The following TMEM63B variants were observed in gnomAD, a reference collection of about 807,000 sequenced individuals.
The protein encoded by TMEM63B is transmembrane protein 63B, also known as mechanosensitive cation channel TMEM63B.
A neutral mutation model predicts 102.6 loss-of-function variants in TMEM63B; 23 were observed. The observed-to-expected ratio is 0.22, with a 90% CI of 0.16 to 0.32. The LOEUF is 0.32. TMEM63B is among the 10% of genes least tolerant of loss of function. The probability of loss-of-function intolerance (pLI) is 1.00; values close to 1 mark genes in which losing one functional copy is unlikely to be tolerated. For missense variants in TMEM63B, 628 were observed against 1,095.9 expected (o/e 0.57, Z 6.03); for synonymous variants, 444 against 437.0 (o/e 1.02, Z -0.20).
chr6:44,138,398 G>C (rs1763438123), intron 5 of TMEM63B, 82 bp from the exon 6 acceptor site: 1 of 1,572,508 alleles, frequency 6.4e-7, no homozygotes. Flanking sequence ...AGGTAATTAT[G>C]AGAATGGGTG....
intron 1 of TMEM63B, 131 bp from the exon 2 acceptor site, chr6:44,134,430 C>G (rs972156710): frequency 1.4e-5 from 13 of 918,868 alleles, no homozygotes; most frequent in Admixed American, 5.7e-5. Flanking sequence ...GCCCTTATCT[C>G]CAGAGGCCAG....
At chr6:44,138,939 C>G (rs1184822788) in intron 6 of TMEM63B, 2 of 262,428 alleles carry the variant, frequency 7.6e-6, no homozygotes, top group African/African-American at 2.2e-5. Flanking sequence ...CAGGTCAGCA[C>G]TGCCGCCACC....
At chr6:44,149,823 C>G (rs1204555171) in intron 15 of TMEM63B, 36 bp from the exon 16 acceptor site, 3 of 1,560,382 alleles carry the variant, frequency 1.9e-6, no homozygotes, top group South Asian at 2.3e-5. Context: ...GCCCCCTAGA[C>G]TGCCCTGCCT....
intron 18 of TMEM63B, 84 bp from the exon 19 acceptor site, chr6:44,151,762 T>G: frequency 1.4e-6 from 2 of 1,433,026 alleles, no homozygotes; most frequent in South Asian, 1.4e-5. Context: ...GTGGTGGAGG[T>G]GTTGGGTGCT....
At chr6:44,129,289 A>G (rs1023947556) in intron 1 of TMEM63B, among the ~76,000 whole-genome samples, 25 of 150,990 alleles carry the variant, frequency 1.7e-4, no homozygotes, top group Non-Finnish European at 3.4e-4. Context: ...AATGGCTTAA[A>G]CCTGGGAGGC....
intron 10 of TMEM63B, among the ~76,000 whole-genome samples, chr6:44,144,986 C>T (rs16871592): frequency 0.052 from 7,919 of 152,064 alleles, 436 homozygotes; most frequent in East Asian, 0.23. Flanking sequence ...GATTTAAAAA[C>T]GAACTACTGG....
chr6:44,149,488 A>G (rs1012232554), intron 15 of TMEM63B, among the ~76,000 whole-genome samples: 1 of 152,234 alleles, frequency 6.6e-6, no homozygotes, highest in Non-Finnish European at 1.5e-5. Flanking sequence ...CCCAGACTGC[A>G]TGGATTCAAA....
Position 44,135,069 on chromosome 6 carries a change from G to A in TMEM63B, c.212G>A (p.Arg71Gln). ...ILRKVAWDYG[R>Q]LALVTDADRL... ...CGGAAGGTGGCCTGGGACTATGGGC[G>A]GCTGGCCTTGGTGACAGATGCAGAC... Residue 71 changes from arginine to glutamine, a missense_variant, in exon 3 of 24, where the codon CGG becomes CAG. Physicochemically the swap from Arg to Gln is conservative, Grantham distance 43. Coordinates refer to ENST00000323267, the MANE Select transcript of TMEM63B (RefSeq NM_018426.3). 6.2e-7 allele frequency: 1 copy of A among 1,614,216 alleles called. No individual in the cohort carries two copies. The highest frequency in any genetic ancestry group is 8.5e-7 in the Non-Finnish European group (1 of 1,180,030).
In TMEM63B at chr6:44,148,290, G is replaced by C; in HGVS notation, c.1026G>C (p.Lys342Asn). Residue 342 changes from lysine (K) to asparagine (N), a missense_variant, in exon 13 of 24, where the codon AAG (lysine) becomes AAC (asparagine). Lys to Asn is a moderately conservative substitution (Grantham distance 94, BLOSUM62 0). This residue lies in a region of TMEM63B where 336 missense variants were observed against 580.3 expected (regional missense o/e 0.58). Transcript: ENST00000323267. The surrounding 1 kb of genome is among the most constrained non-coding windows in gnomAD (Gnocchi z 5.1). Reference protein sequence around the residue: ...AIEYYTKLEQKLKEDYKREKE... With the variant: ...AIEYYTKLEQNLKEDYKREKE... ...AGTACTACACAAAGCTGGAGCAGAAGCTGAAGGAAGACTACAAGCGGGAGA... is the reference window on the plus strand; with the variant it reads ...AGTACTACACAAAGCTGGAGCAGAACCTGAAGGAAGACTACAAGCGGGAGA... The C allele has an allele frequency of 6.2e-7, 1 of 1,614,254 alleles. No individual in the cohort carries two copies. Among genetic ancestry groups the C allele is most frequent in the Non-Finnish European group, 8.5e-7 (1 of 1,180,052 alleles).
At chr6:44,147,965 A>T (rs1271474135) in intron 12 of TMEM63B, among the ~76,000 whole-genome samples, 1 of 152,208 alleles carries the variant, frequency 6.6e-6, no homozygotes, top group Non-Finnish European at 1.5e-5. Context: ...TCTACAAAAA[A>T]TACAAAAATT....
chr6:44,131,826 A>G (rs1177230295), intron 1 of TMEM63B, among the ~76,000 whole-genome samples: 1 of 151,982 alleles, frequency 6.6e-6, no homozygotes, highest in Non-Finnish European at 1.5e-5. Context: ...AGCTAGAAGT[A>G]AAATGCTCCA....
intron 10 of TMEM63B, among the ~76,000 whole-genome samples, chr6:44,145,622 A>AAACAAC (rs1765226591): frequency 6.7e-6 from 1 of 148,532 alleles, no homozygotes; most frequent in Non-Finnish European, 1.5e-5. Context: ...ACAAAAACAA[A>AAACAAC]AACGAAACAA....
At chr6:44,135,733 T>A (rs1198828302) in intron 4 of TMEM63B, among the ~76,000 whole-genome samples, 1 of 152,176 alleles carries the variant, frequency 6.6e-6, no homozygotes, top group Non-Finnish European at 1.5e-5. Context: ...TAACAGCTAG[T>A]TCTTCATATT....
chr6:44,139,515 G>T lies in TMEM63B; in HGVS notation c.456G>T (p.Leu152=), dbSNP rs376492794. 2 of 1,614,196 alleles carry T rather than the reference G, an allele frequency of 1.2e-6. No individual in the cohort carries two copies. The highest frequency in any genetic ancestry group is 3.3e-5 in the Admixed American group (2 of 60,020). ...DKCGGDAVHY[L]SFQRHIIGLL... ...GTGGGGGCGATGCCGTGCACTACCT[G>T]TCCTTTCAGCGGCACATCATCGGGC... The change falls in exon 7 of 24, where the codon CTG becomes CTT. Residue 152 remains leucine, a synonymous_variant. Coordinates refer to ENST00000323267, the MANE Select transcript of TMEM63B (RefSeq NM_018426.3).
intron 20 of TMEM63B, 139 bp from the exon 21 acceptor site, chr6:44,153,537 G>A (rs1158636391): frequency 1.8e-5 from 16 of 869,412 alleles, no homozygotes; most frequent in Non-Finnish European, 2.7e-5. Context: ...GGGGCACGGG[G>A]CACTATCCCG....
rs771958510 is a variant in TMEM63B, at chr6:44,134,590, G to T, written c.6G>T (p.Leu2=). The change falls in exon 2 of 24, where the codon CTG becomes CTT. Residue 2 remains leucine (L), a synonymous_variant. Coordinates refer to ENST00000323267, the MANE Select transcript of TMEM63B (RefSeq NM_018426.3). M[L]PFLLATLGTT... ...ACCATGCGGCAGTAGCAGCCATGCT[G>T]CCCTTTCTGCTGGCCACACTGGGCA... 2 of 1,613,968 alleles carry T rather than the reference G, an allele frequency of 1.2e-6. No individual in the cohort carries two copies. The highest frequency in any genetic ancestry group is 1.7e-5 in the Admixed American group (1 of 60,018).
intron 10 of TMEM63B, among the ~76,000 whole-genome samples, chr6:44,142,398 C>A (rs796950297): frequency 6.6e-6 from 1 of 151,894 alleles, no homozygotes; most frequent in Admixed American, 6.6e-5. Flanking sequence ...GGCATGGTGG[C>A]GCGTACCAGT....
chr6:44,138,577 C>T, intron 6 of TMEM63B, 60 bp downstream of exon 6: 4 of 1,605,300 alleles, frequency 2.5e-6, no homozygotes, highest in Non-Finnish European at 3.4e-6. Flanking sequence ...TGGCATCTCC[C>T]TACAAAATTC....
At chr6:44,154,598 G>T (rs1476307855) in intron 23 of TMEM63B, 94 bp from the exon 24 acceptor site, 1 of 1,466,416 alleles carries the variant, frequency 6.8e-7, no homozygotes, top group Non-Finnish European at 9.2e-7. Context: ...GCCCCCCAGG[G>T]CCCTGCCCAC....
Sources: allele counts gnomAD v4.1 joint callset (sites outside exome capture counted in the v4.1 genomes callset), GRCh38; gene constraint gnomAD v4.1.1; regional missense constraint gnomAD v4.1.1; non-coding constraint Gnocchi (gnomAD v3.1); transcripts MANE v1.5; gene names NCBI Gene and HGNC (gene_info 2026-07-23, HGNC 2026-07-21).